Variants in NMNAT3 observed in about 807,000 individuals in gnomAD.
NMNAT3 encodes nicotinamide/nicotinic acid mononucleotide adenylyltransferase 3.
NMNAT3 carries 21 observed loss-of-function variants against 24.8 expected under a neutral mutation model. That is an observed-to-expected ratio of 0.85 (90% CI 0.60 to 1.22). NMNAT3 has a LOEUF of 1.22. Among genes scored for constraint, NMNAT3 ranks in the 50% most tolerant of loss-of-function variants. The probability of loss-of-function intolerance (pLI) is 0.00; values close to 1 mark genes in which losing one functional copy is unlikely to be tolerated. For missense variants in NMNAT3, 387 were observed against 436.6 expected (o/e 0.89, Z 1.01); for synonymous variants, 136 against 155.2 (o/e 0.88, Z 0.92).
At chr3:139,587,112 G>A (rs972361843) in intron 3 of NMNAT3, among the ~76,000 whole-genome samples, 2 of 152,174 alleles carry the variant, frequency 1.3e-5, no homozygotes, top group African/African-American at 4.8e-5. Flanking sequence ...ATACACAACG[G>A]CACTGACAGA....
intron 2 of NMNAT3, among the ~76,000 whole-genome samples, chr3:139,631,928 A>T (rs573624267): frequency 6.6e-6 from 1 of 152,266 alleles, no homozygotes; most frequent in East Asian, 1.9e-4. Flanking sequence ...CAAGTGGAAG[A>T]TAATATCTTA....
At chr3:139,566,210 T>G (rs1937179200) in intron 6 of NMNAT3, 1 of 152,206 alleles carries the variant, frequency 6.6e-6, no homozygotes, top group South Asian at 2.1e-4. Context: ...GATGGAGTTG[T>G]TTGTTTTTTT....
At chr3:139,600,294 T>C (rs2054653491) in intron 3 of NMNAT3, among the ~76,000 whole-genome samples, 1 of 151,222 alleles carries the variant, frequency 6.6e-6, no homozygotes, top group Non-Finnish European at 1.5e-5. Flanking sequence ...CCTTTGGTCC[T>C]GGATAGAAAG....
intron 6 of NMNAT3, among the ~76,000 whole-genome samples, chr3:139,573,231 T>C (rs1220329965): frequency 6.6e-6 from 1 of 152,204 alleles, no homozygotes; most frequent in Non-Finnish European, 1.5e-5. Context: ...GTTCAAGTTT[T>C]ATAATGGCAT....
intron 3 of NMNAT3, among the ~76,000 whole-genome samples, chr3:139,608,880 A>G (rs2055063544): frequency 6.6e-6 from 1 of 152,070 alleles, no homozygotes. Context: ...TTATAACCAC[A>G]CCCACTTCTC....
chr3:139,597,167 C>T (rs1211656290), intron 3 of NMNAT3, among the ~76,000 whole-genome samples: 2 of 151,760 alleles, frequency 1.3e-5, no homozygotes, highest in African/African-American at 4.8e-5. Flanking sequence ...TTATTTTTGA[C>T]TGATACCATT....
At chr3:139,654,966 C>A in intron 1 of NMNAT3, among the ~76,000 whole-genome samples, 1 of 152,100 alleles carries the variant, frequency 6.6e-6, no homozygotes, top group South Asian at 2.1e-4. Context: ...AGAGCTGGCA[C>A]AAATGGAAAC....
At chr3:139,599,679 G>A (rs1339027817) in intron 3 of NMNAT3, among the ~76,000 whole-genome samples, 1 of 152,196 alleles carries the variant, frequency 6.6e-6, no homozygotes, top group Non-Finnish European at 1.5e-5. Flanking sequence ...CTGAGACTTT[G>A]AGGCCATTTT....
intron 5 of NMNAT3, among the ~76,000 whole-genome samples, chr3:139,574,547 A>G (rs921667069): frequency 1.3e-5 from 2 of 152,202 alleles, no homozygotes; most frequent in Non-Finnish European, 2.9e-5. Context: ...CCCTTCTTGT[A>G]TCAATTTGAT....
At chr3:139,587,730 C>A (rs939353229) in intron 3 of NMNAT3, among the ~76,000 whole-genome samples, 1 of 152,166 alleles carries the variant, frequency 6.6e-6, no homozygotes, top group Non-Finnish European at 1.5e-5. Context: ...TATCTTTCTG[C>A]GCATCTGAGC....
chr3:139,600,492 G>A (rs1010186973), intron 3 of NMNAT3, among the ~76,000 whole-genome samples: 5 of 151,968 alleles, frequency 3.3e-5, no homozygotes, highest in African/African-American at 1.2e-4. Context: ...TTTCTCAGGA[G>A]AGACAGCATT....
chr3:139,585,219 A>G (rs577969326), intron 3 of NMNAT3, among the ~76,000 whole-genome samples: 21 of 152,034 alleles, frequency 1.4e-4, no homozygotes, highest in African/African-American at 3.9e-4. Context: ...GAATTTGTCT[A>G]TTTTGCCTTT....
chr3:139,612,019 T>C (rs1012842453), intron 3 of NMNAT3, among the ~76,000 whole-genome samples: 8 of 151,904 alleles, frequency 5.3e-5, no homozygotes, highest in Non-Finnish European at 1.0e-4. Flanking sequence ...AATACAAAAT[T>C]AGCCAGGTGT....
At chr3:139,632,062 G>A (rs2056321636) in intron 2 of NMNAT3, among the ~76,000 whole-genome samples, 5 of 152,028 alleles carry the variant, frequency 3.3e-5, no homozygotes, top group African/African-American at 1.2e-4. Flanking sequence ...AGTGATTAGA[G>A]AGTGGTTTTT....
chr3:139,665,664 T>C (rs1036017310), intron 1 of NMNAT3, among the ~76,000 whole-genome samples: 18 of 151,368 alleles, frequency 1.2e-4, no homozygotes, highest in East Asian at 7.8e-4. Flanking sequence ...TGCCTACCCA[T>C]AGAAAACTAA....
At chr3:139,632,791 A>G (rs1408224044) in intron 2 of NMNAT3, among the ~76,000 whole-genome samples, 1 of 152,224 alleles carries the variant, frequency 6.6e-6, no homozygotes, top group South Asian at 2.1e-4. Context: ...CAAGAGGCTG[A>G]ATAATTGGCT....
chr3:139,584,399 G>T, intron 3 of NMNAT3: 1 of 159,172 alleles, frequency 6.3e-6, no homozygotes. Flanking sequence ...ATCAACTCTG[G>T]CAATCAGTGG....
intron 1 of NMNAT3, among the ~76,000 whole-genome samples, chr3:139,669,481 A>T (rs1171461087): frequency 3.7e-5 from 5 of 136,902 alleles, no homozygotes; most frequent in Non-Finnish European, 6.6e-5. Flanking sequence ...TGTCTCAGAA[A>T]AAAAAAAAAA....
chr3:139,663,113 T>C (rs2057469235), intron 1 of NMNAT3, among the ~76,000 whole-genome samples: 1 of 152,224 alleles, frequency 6.6e-6, no homozygotes, highest in African/African-American at 2.4e-5. Flanking sequence ...TGTGTTCCTT[T>C]CTGGAGGCTC....
Sources: gnomAD v4.1 joint callset for allele counts (sites outside exome capture counted in the v4.1 genomes callset) on GRCh38, gnomAD v4.1.1 for gene constraint, MANE v1.5 for transcripts, NCBI Gene and HGNC (gene_info 2026-07-23, HGNC 2026-07-21) for gene names.